The following RCOR1 variants were observed in gnomAD, a reference collection of about 807,000 sequenced individuals.
RCOR1 encodes REST corepressor 1, also known as REST corepressor.
RCOR1 carries 12 observed loss-of-function variants against 64.0 expected under a neutral mutation model. That is an observed-to-expected ratio of 0.19 (90% confidence interval 0.12 to 0.30). The LOEUF (loss-of-function observed/expected upper bound fraction) is 0.30. RCOR1 is among the 10% of genes least tolerant of loss of function. The pLI, the probability that RCOR1 is intolerant of heterozygous loss-of-function variation, is 1.00. For missense variants in RCOR1, 502 were observed against 621.2 expected (o/e 0.81, Z 2.04); for synonymous variants, 279 against 227.2 (o/e 1.23, Z -2.05).
chr14:102,652,656 T>C (rs1335596363), intron 2 of RCOR1, among the ~76,000 whole-genome samples: 3 of 152,180 alleles, frequency 2.0e-5, no homozygotes, highest in Non-Finnish European at 4.4e-5. Flanking sequence ...AAACTACATT[T>C]CTTTTTAGCA....
chr14:102,667,217 T>C (rs1894931522), intron 2 of RCOR1, among the ~76,000 whole-genome samples: 1 of 151,772 alleles, frequency 6.6e-6, no homozygotes, highest in South Asian at 2.1e-4. Flanking sequence ...AAATAAAGAA[T>C]GGGCTGGGCG....
At chr14:102,710,794 A>G (rs1567443577) in intron 6 of RCOR1, 141 bp from the exon 7 acceptor site, 2 of 648,928 alleles carry the variant, frequency 3.1e-6, no homozygotes, top group South Asian at 3.8e-5. Flanking sequence ...GCAGCCTGAA[A>G]ACATACTAAT....
chr14:102,721,111 A>G (rs377336105), intron 9 of RCOR1, 27 bp downstream of exon 9: 3 of 1,369,288 alleles, frequency 2.2e-6, no homozygotes, highest in Non-Finnish European at 3.1e-6. Context: ...ATCATCTTAG[A>G]AGTCATATTC....
At chr14:102,596,381 G>A (rs1025388663) in intron 2 of RCOR1, among the ~76,000 whole-genome samples, 6 of 152,106 alleles carry the variant, frequency 3.9e-5, no homozygotes, top group Admixed American at 1.3e-4. Flanking sequence ...GGGATTACAG[G>A]GGTGAGCCAC....
chr14:102,662,151 T>C (rs1894837906), intron 2 of RCOR1: 4 of 380,316 alleles, frequency 1.1e-5, no homozygotes, highest in South Asian at 8.3e-5. Context: ...CCCAAGTCAT[T>C]AAATGTACAT....
At chr14:102,718,947 C>T (rs1362074844) in intron 8 of RCOR1, among the ~76,000 whole-genome samples, 3 of 152,064 alleles carry the variant, frequency 2.0e-5, no homozygotes. Context: ...CACCACCACA[C>T]CTGGCTAATT....
intron 3 of RCOR1, among the ~76,000 whole-genome samples, chr14:102,692,599 CA>C (rs1302475348): frequency 6.6e-6 from 1 of 152,058 alleles, no homozygotes; most frequent in Non-Finnish European, 1.5e-5. Context: ...CAAATGGTTA[CA>C]TCTTCTATGT....
In RCOR1 at chr14:102,729,587, A is replaced by G. The variant is rs78354301; in HGVS notation, c.*3081A>G. On this transcript the variant is annotated 3_prime_UTR_variant, in exon 12 of 12. Transcript: ENST00000262241. ...ACACACAAAACAAACATGAAAAGGT[A>G]GTTAGTTGGGTTGTAACAGCTTACT... 1.1e-4 allele frequency: 37 copies of G among 341,698 alleles called. No homozygotes were observed. Among genetic ancestry groups the G allele is most frequent in the African/African-American group, 7.3e-4 (35 of 47,708 alleles). The allele number at this position is 341,698 out of a possible 1,614,324, so 21.2% of individuals were successfully genotyped here.
intron 2 of RCOR1, among the ~76,000 whole-genome samples, chr14:102,616,708 T>G (rs987375481): frequency 1.3e-5 from 2 of 152,178 alleles, no homozygotes; most frequent in African/African-American, 4.8e-5. Context: ...CACATGGCTG[T>G]GCTTCTCTTT....
At chr14:102,606,681 G>A (rs553911070) in intron 2 of RCOR1, among the ~76,000 whole-genome samples, 83 of 151,240 alleles carry the variant, frequency 5.5e-4, no homozygotes, top group African/African-American at 2.0e-3. Flanking sequence ...CCCCAGGCTG[G>A]AGTGCAGTGG....
At chr14:102,655,415 A>G in intron 2 of RCOR1, 1 of 985,116 alleles carries the variant, frequency 1.0e-6, no homozygotes, top group Non-Finnish European at 1.2e-6. Context: ...CTTCCTCTCA[A>G]TACCTTAACT....
At chr14:102,714,377 T>C (rs775285668) in intron 7 of RCOR1, 46 bp from the exon 8 acceptor site, 2 of 1,299,046 alleles carry the variant, frequency 1.5e-6, no homozygotes, top group Admixed American at 4.5e-5. Context: ...TTACTGATCA[T>C]TTGACTTTTT....
intron 2 of RCOR1, among the ~76,000 whole-genome samples, chr14:102,597,724 C>T (rs558504959): frequency 1.3e-5 from 2 of 151,324 alleles, no homozygotes; most frequent in African/African-American, 4.9e-5. Context: ...GCCTCTGCCT[C>T]CCGGGTTCAA....
chr14:102,692,822 T>G (rs12887339), intron 3 of RCOR1, among the ~76,000 whole-genome samples: 20,907 of 147,562 alleles, frequency 0.14, 2,966 homozygotes, highest in African/African-American at 0.37. Flanking sequence ...CTGGAGTGCA[T>G]TGGCACAGTC....
intron 2 of RCOR1, among the ~76,000 whole-genome samples, chr14:102,602,394 CTTTTTTTTTTTTT>C (rs66743592): frequency 2.9e-5 from 3 of 104,242 alleles, no homozygotes; most frequent in Non-Finnish European, 5.8e-5. Context: ...CTTTTCTTTT[CTTTTTTTTTTTTT>C]TTTTTTGGAG....
At chr14:102,597,518 G>A (rs1319268588) in intron 2 of RCOR1, among the ~76,000 whole-genome samples, 3 of 150,490 alleles carry the variant, frequency 2.0e-5, no homozygotes, top group Non-Finnish European at 3.0e-5. Flanking sequence ...TAGTAGAGAT[G>A]AGGTTTCACC....
intron 2 of RCOR1, among the ~76,000 whole-genome samples, chr14:102,609,754 A>G (rs1893587749): frequency 6.6e-6 from 1 of 151,594 alleles, no homozygotes; most frequent in Admixed American, 6.6e-5. Context: ...GACAGTGCAG[A>G]GAGTCCTGAG....
intron 2 of RCOR1, chr14:102,657,247 T>C (rs1176710699): frequency 1.0e-6 from 1 of 985,258 alleles, no homozygotes; most frequent in African/African-American, 1.7e-5. Flanking sequence ...TGTCAGTGCA[T>C]AGATTTAGGA....
intron 2 of RCOR1, among the ~76,000 whole-genome samples, chr14:102,595,854 C>T (rs756991445): frequency 6.6e-6 from 1 of 152,140 alleles, no homozygotes; most frequent in Non-Finnish European, 1.5e-5. Context: ...GCTGGGATTA[C>T]AGGCATGTGC....
Sources: gnomAD v4.1 joint callset for allele counts (sites outside exome capture counted in the v4.1 genomes callset) on GRCh38, gnomAD v4.1.1 for gene constraint, MANE v1.5 for transcripts, NCBI Gene and HGNC (gene_info 2026-07-23, HGNC 2026-07-21) for gene names.